The following USP38 variants were observed in gnomAD, a reference collection of about 807,000 sequenced individuals.
USP38 encodes ubiquitin specific peptidase 38.
Under a neutral mutation model 94.3 loss-of-function variants are expected in USP38, and 49 were observed. That is an observed-to-expected ratio of 0.52 (90% CI 0.41 to 0.66). USP38 has a LOEUF of 0.66. USP38 is among the 30% of genes least tolerant of loss of function. USP38 has a pLI of 0.00. For missense variants in USP38, 1,128 were observed against 1,229.4 expected, an observed-to-expected ratio of 0.92 and a Z score of 1.23; for synonymous variants, 468 against 463.6, an observed-to-expected ratio of 1.01 and a Z score of -0.12.
At position 143,220,350 on chromosome 4, in the gene USP38, C is replaced by T. The variant is rs1227460403; in HGVS notation, c.3023C>T (p.Ser1008Leu). 1 of 1,613,372 alleles carries T rather than the reference C, an allele frequency of 6.2e-7. No homozygotes were observed. The highest frequency in any genetic ancestry group is 2.2e-5 in the East Asian group (1 of 44,840). ...CTCCAAGCTGCATCTGCTTCATGTT[C>T]ATTTCGGCCCAATGGATTTGATGAC... ...RALQAASASCSFRPNGFDDND... is the reference protein window; with the variant it reads ...RALQAASASCLFRPNGFDDND... The change falls in exon 10 of 10, where the codon TCA becomes TTA. Residue 1008 changes from serine (S) to leucine (L), a missense_variant. Physicochemically the swap from Ser to Leu is moderately radical, Grantham distance 145. Coordinates refer to ENST00000307017, the MANE Select transcript of USP38 (RefSeq NM_032557.6).
chr4:143,200,053 A>G lies in USP38; in HGVS notation c.1050+2129A>G, dbSNP rs1324726285. On this transcript the variant is annotated intron_variant, in intron 4 of 9. Transcript: ENST00000307017. Reference sequence around the variant, plus strand: ...TCTTTGTCATGAAATCTTTGTGTCCAGGATGGTATTGCCTAGGTTGTCTTC... The same window carrying G: ...TCTTTGTCATGAAATCTTTGTGTCCGGGATGGTATTGCCTAGGTTGTCTTC... Among the ~76,000 whole-genome samples, 6 of 152,174 alleles carry G rather than the reference A, an allele frequency of 3.9e-5. No homozygotes were observed. In the East Asian group the frequency reaches 1.2e-3, roughly 29 times the overall value.
chr4:143,191,445 G>A (rs1731394238), intron 2 of USP38, among the ~76,000 whole-genome samples: 1 of 152,180 alleles, frequency 6.6e-6, no homozygotes, highest in Non-Finnish European at 1.5e-5. Context: ...AGTTTTCTGT[G>A]TGAAATTTCT....
Position 143,214,073 on chromosome 4 carries a change from GATTCTTGTT to G in USP38, c.2099_2107del (p.Ile700_Val702del). 6.2e-7 allele frequency: 1 copy of G among 1,613,608 alleles called. No individual in the cohort carries two copies. Among genetic ancestry groups the G allele is most frequent in the Non-Finnish European group, 8.5e-7 (1 of 1,179,790 alleles). Reference sequence around the variant, plus strand: ...CTTCTGTCCCTAACGAATCTAACAAGATTCTTGTTAATAAAGATGTACCTCAGAAACCAG... The same window carrying G: ...CTTCTGTCCCTAACGAATCTAACAAGAATAAAGATGTACCTCAGAAACCAG... On this transcript the variant is annotated inframe_deletion, in exon 9 of 10. Coordinates refer to ENST00000307017, the MANE Select transcript of USP38 (RefSeq NM_032557.6).
intron 4 of USP38, among the ~76,000 whole-genome samples, chr4:143,202,703 CAA>C (rs1484224388): frequency 6.6e-6 from 1 of 152,012 alleles, no homozygotes; most frequent in African/African-American, 2.4e-5. Flanking sequence ...TCAATATTAA[CAA>C]TATTCTATAT....
At chr4:143,217,681 T>A (rs1317064517) in intron 9 of USP38, among the ~76,000 whole-genome samples, 2 of 152,188 alleles carry the variant, frequency 1.3e-5, no homozygotes, top group East Asian at 3.9e-4. Flanking sequence ...CATTTTAGGA[T>A]TTCATTTTTC....
Position 143,188,100 on chromosome 4 carries a change from A to T in USP38, c.818+139A>T, listed in dbSNP as rs146487670. 5 of 1,120,216 alleles carry T rather than the reference A, an allele frequency of 4.5e-6. No homozygotes were observed. In the East Asian group the frequency reaches 7.7e-5, roughly 17 times the overall value. The allele number at this position is 1,120,216 out of a possible 1,614,324, so 69.4% of individuals were successfully genotyped here. A position where few individuals can be genotyped will look rare whatever the true frequency, so the allele number is the denominator to read the frequency against. On this transcript the variant is annotated intron_variant, in intron 2 of 9. Transcript: ENST00000307017. Reference sequence around the variant, plus strand: ...ACATATGTAAAGATTCTCCAAATAGATTGGAATTGTTTATAGCGTTGACAG... The same window carrying T: ...ACATATGTAAAGATTCTCCAAATAGTTTGGAATTGTTTATAGCGTTGACAG...
intron 2 of USP38, 140 bp from the exon 3 acceptor site, chr4:143,195,576 C>T (rs1731520076): frequency 2.6e-6 from 2 of 765,732 alleles, no homozygotes; most frequent in South Asian, 2.7e-5. Context: ...TTCACTTCTA[C>T]ATCTTGGTCA....
At chr4:143,213,125 TTAA>T (rs1732073095) in intron 8 of USP38, among the ~76,000 whole-genome samples, 1 of 152,156 alleles carries the variant, frequency 6.6e-6, no homozygotes, top group Non-Finnish European at 1.5e-5. Flanking sequence ...GCCTGACCAC[TTAA>T]TTAATAAAAC....
At position 143,195,779 on chromosome 4, in the gene USP38, GA is replaced by G; in HGVS notation, c.885del (p.Gly296AspfsTer11). On this transcript the variant is annotated frameshift_variant, in exon 3 of 10. Coordinates refer to ENST00000307017, the MANE Select transcript of USP38 (RefSeq NM_032557.6). LOFTEE classifies it high-confidence loss of function. The stretch of plus-strand genomic sequence containing the variant: ...TGGATACATGGGTAATTGCACTCCT[GA>G]AAGGACTGGCAGCTGTCCAGAAGTT... Reference protein sequence around the residue: ...HVDTWVIALLKGLAAVQKFTI... With the variant: ...HVDTWVIALLXGLAAVQKFTI... 6.2e-7 allele frequency: 1 copy of G among 1,613,810 alleles called. No homozygotes were observed. The highest frequency in any genetic ancestry group is 8.5e-7 in the Non-Finnish European group (1 of 1,179,854).
In USP38 at chr4:143,198,290, A is replaced by G. The variant is rs571670900; in HGVS notation, c.1050+366A>G. ...ACACACCAGTCTTTGCAGGCTTTTC[A>G]TTCACTCTCAGCCTACATCCTACAA... On this transcript the variant is annotated intron_variant, in intron 4 of 9. Coordinates refer to ENST00000307017, the MANE Select transcript of USP38 (RefSeq NM_032557.6). Among the ~76,000 whole-genome samples the G allele has an allele frequency of 4.6e-5, 7 of 152,346 alleles. No homozygotes were observed. In the South Asian group the frequency reaches 1.4e-3, roughly 32 times the overall value.
chr4:143,204,601 C>G (rs1731809757), intron 5 of USP38: 1 of 318,580 alleles, frequency 3.1e-6, no homozygotes, highest in African/African-American at 2.3e-5. Context: ...GTTGCTCAGG[C>G]TGGTCTTGAA....
intron 5 of USP38, 44 bp downstream of exon 5, chr4:143,203,610 T>C: frequency 6.4e-7 from 1 of 1,559,424 alleles, no homozygotes; most frequent in Non-Finnish European, 8.7e-7. Flanking sequence ...TGTGTTATAT[T>C]AATAAGGTGA....
intron 2 of USP38, among the ~76,000 whole-genome samples, chr4:143,188,351 G>C (rs1406825768): frequency 6.6e-6 from 1 of 151,532 alleles, no homozygotes; most frequent in Non-Finnish European, 1.5e-5. Flanking sequence ...GGCTCAATGT[G>C]TAATACACTC....
Position 143,194,131 on chromosome 4 carries a change from G to A in USP38, c.819-1585G>A, listed in dbSNP as rs1458016947. On this transcript the variant is annotated intron_variant, in intron 2 of 9. Transcript: ENST00000307017. ...CAGTCCTTTTAACATAGTAGTTGTTGTTTTAGTAATGTATTTATGTCCTTA... is the reference window on the plus strand; with the variant it reads ...CAGTCCTTTTAACATAGTAGTTGTTATTTTAGTAATGTATTTATGTCCTTA... Among the ~76,000 whole-genome samples, 6 of 152,282 alleles carry A rather than the reference G, an allele frequency of 3.9e-5. No homozygotes were observed. The East Asian group carries it at 9.6e-4, about 24-fold the overall frequency.
intron 4 of USP38, among the ~76,000 whole-genome samples, 190 bp from the exon 5 acceptor site, chr4:143,203,216 CAT>C (rs1443547406): frequency 1.3e-5 from 2 of 152,236 alleles, no homozygotes; most frequent in Admixed American, 1.3e-4. Flanking sequence ...AGATTACAGT[CAT>C]ATGCGACTTC....
chr4:143,197,790 A>T (rs1309050178), intron 3 of USP38, 33 bp from the exon 4 acceptor site: 4 of 1,485,186 alleles, frequency 2.7e-6, no homozygotes. Context: ...TTTCCTGCAA[A>T]TTCTTAAGAA....
At position 143,212,850 on chromosome 4, in the gene USP38, C is replaced by CT. The variant is rs576520953; in HGVS notation, c.1604+434dup. On this transcript the variant is annotated intron_variant, in intron 8 of 9. Transcript: ENST00000307017. Reference sequence around the variant, plus strand: ...AAAATGTAAAACACTGCCATTCTTACTTTTTTTTGGTTTTAGAAAATACAA... The same window carrying CT: ...AAAATGTAAAACACTGCCATTCTTACTTTTTTTTTGGTTTTAGAAAATACAA... Among the ~76,000 whole-genome samples, 508 of 151,876 alleles carry CT rather than the reference C, an allele frequency of 3.3e-3. 1 individual carries two copies. Among genetic ancestry groups the CT allele is most frequent in the Non-Finnish European group, 5.1e-3 (348 of 67,890 alleles).
chr4:143,209,014 G>T (rs1317931575), intron 6 of USP38, among the ~76,000 whole-genome samples: 3 of 142,488 alleles, frequency 2.1e-5, no homozygotes, highest in South Asian at 2.2e-4. Context: ...CTTTTCCCAC[G>T]CTCTATTCTT....
chr4:143,202,323 T>A (rs1318885029), intron 4 of USP38, among the ~76,000 whole-genome samples: 1 of 152,158 alleles, frequency 6.6e-6, no homozygotes, highest in Non-Finnish European at 1.5e-5. Context: ...GAAATAGCAC[T>A]GTGTTGTAAG....
Sources: gnomAD v4.1 joint callset for allele counts (sites outside exome capture counted in the v4.1 genomes callset) on GRCh38, gnomAD v4.1.1 for gene constraint, MANE v1.5 for transcripts, NCBI Gene and HGNC (gene_info 2026-07-23, HGNC 2026-07-21) for gene names.